The following DIO2 variants were observed in gnomAD, a reference collection of about 807,000 sequenced individuals.
DIO2 encodes type II iodothyronine deiodinase.
A neutral mutation model predicts 21.4 loss-of-function variants in DIO2; 19 were observed. The observed-to-expected ratio is 0.89, with a 90% CI of 0.62 to 1.30. The LOEUF (loss-of-function observed/expected upper bound fraction) is 1.30. DIO2 is among the 50% of genes most tolerant of loss of function. DIO2 has a pLI of 0.00. For synonymous variants in DIO2, 122 were observed against 132.9 expected, an observed-to-expected ratio of 0.92 and a Z score of 0.57; for missense variants, 302 against 338.1, an observed-to-expected ratio of 0.89 and a Z score of 0.84.
At chr14:80,214,135 C>A (rs1888293880), upstream of DIO2, among the ~76,000 whole-genome samples, 1 of 152,138 alleles carries the variant, frequency 6.6e-6, no homozygotes, top group Non-Finnish European at 1.5e-5. Flanking sequence ...GCCATAGTTC[C>A]CACCAACAAT....
chr14:80,203,231 C>A lies in DIO2; in HGVS notation c.280G>T (p.Gly94Ter). The A allele has an allele frequency of 6.2e-7, 1 of 1,609,828 alleles. No individual in the cohort carries two copies. The highest frequency in any genetic ancestry group is 2.2e-5 in the East Asian group (1 of 44,728). ...GTACCATTGCCACTGTTGTCACCTC[C>A]TTCTGTACTGGAGACATGCACCACA... ...SSVVHVSSTE[G>*]GDNSGNGTQE... Residue 94 changes from glycine (G) to a stop codon, truncating the protein, a stop_gained, in exon 2 of 2, where the codon GGA becomes TGA. Coordinates refer to ENST00000438257, the MANE Select transcript of DIO2 (RefSeq NM_013989.5). LOFTEE classifies it high-confidence loss of function.
At position 80,202,324 on chromosome 14, in the gene DIO2, C is replaced by T. The variant is rs1273878419; in HGVS notation, c.*365G>A. ...CCCTTTATCTTAACGTAGACAGTAG[C>T]TTCCCTAATGTAGTAATTATTCAGG... On this transcript the variant is annotated 3_prime_UTR_variant, in exon 2 of 2. Coordinates refer to ENST00000438257, the MANE Select transcript of DIO2 (RefSeq NM_013989.5). 1.9e-6 allele frequency: 1 copy of T among 535,662 alleles called. No homozygotes were observed. Among genetic ancestry groups the T allele is most frequent in the East Asian group, 5.2e-5 (1 of 19,246 alleles). 33.2% of individuals were successfully genotyped at this position (535,662 alleles called of 1,614,324 possible). A position where few individuals can be genotyped will look rare whatever the true frequency, so the allele number is the denominator to read the frequency against.
chr14:80,208,515 G>T (rs1468298177), intron 1 of DIO2, among the ~76,000 whole-genome samples: 1 of 152,122 alleles, frequency 6.6e-6, no homozygotes, highest in African/African-American at 2.4e-5. Flanking sequence ...CAGCAACAAG[G>T]AGAATTAATA....
intron 2 of DIO2, among the ~76,000 whole-genome samples, chr14:80,220,219 C>T (rs569667357): frequency 1.3e-5 from 2 of 152,222 alleles, no homozygotes; most frequent in South Asian, 2.1e-4. Context: ...GGACTACAGG[C>T]GCCCGCCACC....
At position 80,228,225 on chromosome 14, in the gene DIO2, G is replaced by A. The variant is rs138634895; in HGVS notation, c.-277-11488C>T. Among the ~76,000 whole-genome samples the A allele has an allele frequency of 1.8e-3, 277 of 152,338 alleles. 2 individuals are homozygous for A. Among genetic ancestry groups the A allele is most frequent in the Middle Eastern group, 0.01 (3 of 292 alleles). ...ATACCCCTGAAGTAGGACAGTAAATGTATATTGCTGGTCTTGCCAGCTGAA... is the reference window on the plus strand; with the variant it reads ...ATACCCCTGAAGTAGGACAGTAAATATATATTGCTGGTCTTGCCAGCTGAA... On this transcript the variant is annotated intron_variant, in intron 2 of 4. Transcript: ENST00000553594.
At chr14:80,216,752 G>A (rs760191279) in intron 2 of DIO2, 21 of 152,086 alleles carry the variant, frequency 1.4e-4, no homozygotes, top group Admixed American at 3.3e-4. Context: ...ACCCAATGCA[G>A]TAGACCAAAA....
chr14:80,219,873 T>G (rs796785324), intron 2 of DIO2, among the ~76,000 whole-genome samples: 148 of 152,294 alleles, frequency 9.7e-4, no homozygotes, highest in African/African-American at 3.5e-3. Context: ...TTAAAACGAT[T>G]GTTTTGTATA....
Position 80,203,053 on chromosome 14 carries a change from A to C in DIO2, c.458T>G (p.Val153Gly), listed in dbSNP as rs751691317. The change falls in exon 2 of 2, where the codon GTG becomes GGG. Residue 153 changes from valine (V) to glycine (G), a missense_variant. Physicochemically the swap from Val to Gly is moderately radical, Grantham distance 109 (BLOSUM62 -3). Coordinates refer to ENST00000438257, the MANE Select transcript of DIO2 (RefSeq NM_013989.5). ...FRKLVEEFSS[V>G]ADFLLVYIDE... is the part of the protein sequence containing the mutation. The stretch of plus-strand genomic sequence containing the variant: ...AATGTAGACCAGCAGGAAGTCAGCC[A>C]CTGAGGAGAACTCTTCCACCAGTTT... The C allele has an allele frequency of 3.1e-6, 5 of 1,613,786 alleles. No individual in the cohort carries two copies. The highest frequency in any genetic ancestry group is 3.4e-6 in the Non-Finnish European group (4 of 1,179,862).
Position 80,202,847 on chromosome 14 carries a change from C to T in DIO2, c.664G>A (p.Ala222Thr), listed in dbSNP as rs772236033. 1.1e-5 allele frequency: 18 copies of T among 1,613,928 alleles called. No homozygotes were observed. Among genetic ancestry groups the T allele is most frequent in the Non-Finnish European group, 1.5e-5 (18 of 1,179,876 alleles). ...ADRMDNNANIAYGVAFERVCI... is the reference protein window; with the variant it reads ...ADRMDNNANITYGVAFERVCI... ...ACACGTTCAAAGGCTACCCCGTAAGCTATGTTGGCGTTATTGTCCATGCGG... is the reference window on the plus strand; with the variant it reads ...ACACGTTCAAAGGCTACCCCGTAAGTTATGTTGGCGTTATTGTCCATGCGG... The change falls in exon 2 of 2, where the codon GCT (alanine) becomes ACT (threonine). Residue 222 changes from alanine to threonine, a missense_variant. Coordinates refer to ENST00000438257, the MANE Select transcript of DIO2 (RefSeq NM_013989.5).
rs1211290897 is a variant in DIO2 at position 80,200,497 on chromosome 14, A to T, written c.*2192T>A. On this transcript the variant is annotated 3_prime_UTR_variant, in exon 2 of 2. Coordinates refer to ENST00000438257, the MANE Select transcript of DIO2 (RefSeq NM_013989.5). ...AAAAAAGGGGAATTTTAAGGACAAC[A>T]GTGTGAATGTGCTGCAACCAGGTTT... 6.6e-6 allele frequency: 1 copy of T among 152,432 alleles called. No individual in the cohort carries two copies. Among genetic ancestry groups the T allele is most frequent in the African/African-American group, 2.4e-5 (1 of 41,454 alleles). The allele number at this position is 152,432 out of a possible 1,614,324, so 9.4% of individuals were successfully genotyped here.
rs922469707 is a variant in DIO2, at chr14:80,217,997, T to C, written c.-277-1260A>G. ...GACCAGAAACAAATCTCTGATTTTATTTTTCTACCTGCAAAATGGAGGTTA... is the reference window on the plus strand; with the variant it reads ...GACCAGAAACAAATCTCTGATTTTACTTTTCTACCTGCAAAATGGAGGTTA... On this transcript the variant is annotated intron_variant, in intron 2 of 4. Transcript: ENST00000553594. Among the ~76,000 whole-genome samples, 3 of 152,350 alleles carry C rather than the reference T, an allele frequency of 2.0e-5. No homozygotes were observed. In the East Asian group the frequency reaches 5.8e-4, roughly 29 times the overall value.
chr14:80,222,954 C>T (rs561877149), intron 2 of DIO2, among the ~76,000 whole-genome samples: 9 of 151,524 alleles, frequency 5.9e-5, no homozygotes, highest in Admixed American at 3.3e-4. Flanking sequence ...CCTCAAACTC[C>T]GGACTCAAGC....
intron 1 of DIO2, among the ~76,000 whole-genome samples, chr14:80,210,775 T>C (rs1307031541): frequency 1.3e-5 from 2 of 152,222 alleles, no homozygotes; most frequent in Admixed American, 1.3e-4. Flanking sequence ...TTTCTTATCT[T>C]GTCAACTCTC....
intron 2 of DIO2, chr14:80,219,444 G>GACACC (rs1037131158): frequency 2.6e-5 from 4 of 151,414 alleles, no homozygotes; most frequent in South Asian, 2.1e-4. Context: ...AAGCCAAAGA[G>GACACC]ACACCGGCTT....
chr14:80,208,753 G>T (rs1434843463), intron 1 of DIO2, among the ~76,000 whole-genome samples: 2 of 152,200 alleles, frequency 1.3e-5, no homozygotes. Context: ...CTGGTTGAGA[G>T]ATTCTGAGTG....
At chr14:80,210,435 G>A (rs1400002374) in intron 1 of DIO2, among the ~76,000 whole-genome samples, 1 of 152,184 alleles carries the variant, frequency 6.6e-6, no homozygotes, top group East Asian at 1.9e-4. Context: ...GAGCAGGTAA[G>A]GGAGACCACT....
At position 80,202,581 on chromosome 14, in the gene DIO2, C is replaced by G; in HGVS notation, c.*108G>C. On this transcript the variant is annotated 3_prime_UTR_variant, in exon 2 of 2. Transcript: ENST00000438257. ...TCATGTTCTTCCGATAGATAAACTC[C>G]TGTCTTTCAGTAAGCCAATAGGGCT... The G allele has an allele frequency of 1.7e-6, 2 of 1,165,698 alleles. No individual in the cohort carries two copies. The highest frequency in any genetic ancestry group is 2.4e-6 in the Non-Finnish European group (2 of 844,680). 72.2% of individuals were successfully genotyped at this position (1,165,698 alleles called of 1,614,324 possible). A position where few individuals can be genotyped will look rare whatever the true frequency, so the allele number is the denominator to read the frequency against.
chr14:80,197,611 A>ACTC lies in DIO2; in HGVS notation c.*5075_*5077dup. Reference sequence around the variant, plus strand: ...TAGCACTCAGCACCAATATGATAACACTCTTTCTACTGATAATCTCCCAAA... The same window carrying ACTC: ...TAGCACTCAGCACCAATATGATAACACTCCTCTTTCTACTGATAATCTCCCAAA... On this transcript the variant is annotated 3_prime_UTR_variant, in exon 2 of 2. Transcript: ENST00000438257. 6.6e-6 allele frequency: 1 copy of ACTC among 152,608 alleles called. No homozygotes were observed. The highest frequency in any genetic ancestry group is 2.1e-4 in the South Asian group (1 of 4,822). The allele number at this position is 152,608 out of a possible 1,614,324, so 9.5% of individuals were successfully genotyped here.
intron 1 of DIO2, among the ~76,000 whole-genome samples, chr14:80,204,035 C>G (rs1024064743): frequency 1.8e-4 from 27 of 152,098 alleles, no homozygotes; most frequent in Admixed American, 5.9e-4. Context: ...GCTACCCCAC[C>G]ATGTGAAACA....
Sources: allele counts gnomAD v4.1 joint callset (sites outside exome capture counted in the v4.1 genomes callset), GRCh38; gene constraint gnomAD v4.1.1; transcripts MANE v1.5; gene names NCBI Gene and HGNC (gene_info 2026-07-23, HGNC 2026-07-21).